Variants in DOCK3 observed in about 807,000 individuals in gnomAD.
DOCK3 encodes the protein dedicator of cytokinesis 3.
A neutral mutation model predicts 265.6 loss-of-function variants in DOCK3; 60 were observed. That is an observed-to-expected ratio of 0.23 (90% CI 0.18 to 0.28). The LOEUF (loss-of-function observed/expected upper bound fraction) is 0.28. Ranked by LOEUF, DOCK3 falls within the 10% of genes least tolerant of loss-of-function variation. The pLI is 1.00. For missense variants in DOCK3, 1,981 were observed against 2,594.3 expected (o/e 0.76, Z 5.14); for synonymous variants, 881 against 938.0 (o/e 0.94, Z 1.11).
At chr3:50,748,391 TA>T (rs2039587309) in intron 1 of DOCK3, among the ~76,000 whole-genome samples, 1 of 152,088 alleles carries the variant, frequency 6.6e-6, no homozygotes, top group Non-Finnish European at 1.5e-5. Flanking sequence ...TGAATATAAG[TA>T]AACACTGGGT....
intron 5 of DOCK3, among the ~76,000 whole-genome samples, chr3:51,007,272 C>G (rs1453843024): frequency 6.6e-6 from 1 of 152,202 alleles, no homozygotes; most frequent in Admixed American, 6.5e-5. Flanking sequence ...TCTCCACATC[C>G]TCTCCAGCAC....
chr3:51,373,809 C>A (rs995239275), intron 49 of DOCK3, among the ~76,000 whole-genome samples: 2 of 152,180 alleles, frequency 1.3e-5, no homozygotes, highest in African/African-American at 4.8e-5. Flanking sequence ...CAGAGCAAAA[C>A]CCCGGAGAGC....
chr3:51,199,402 G>A (rs111775240), intron 12 of DOCK3, among the ~76,000 whole-genome samples: 2,052 of 152,284 alleles, frequency 0.013, 54 homozygotes, highest in African/African-American at 0.045. Context: ...CACCTGGCTC[G>A]GAGGGTCCTA....
chr3:51,227,610 T>G (rs1170300640), intron 16 of DOCK3, among the ~76,000 whole-genome samples, 165 bp downstream of exon 16: 2 of 152,230 alleles, frequency 1.3e-5, no homozygotes, highest in Non-Finnish European at 2.9e-5. Context: ...CTTGGGACTA[T>G]AAAAGCAGTG....
In DOCK3 at chr3:51,160,631, A is replaced by G. The variant is rs1560143474; in HGVS notation, c.966A>G (p.Leu322=). The G allele has an allele frequency of 5.0e-6, 8 of 1,613,200 alleles. No individual in the cohort carries two copies. Among genetic ancestry groups the G allele is most frequent in the Non-Finnish European group, 6.8e-6 (8 of 1,179,502 alleles). ...GGCGACCATATGGCTGTGCGGTCCT[A>G]AGCATCTTGGATGTCCTACAGTCAC... ...HYRRPYGCAV[L]SILDVLQSLT... is the part of the protein sequence containing the mutation. The change falls in exon 12 of 53, where the codon CTA becomes CTG. Residue 322 remains leucine, a synonymous_variant. Coordinates refer to ENST00000266037, the MANE Select transcript of DOCK3 (RefSeq NM_004947.5).
Position 50,817,459 on chromosome 3 carries a change from TA to T in DOCK3, c.122-24213del, listed in dbSNP as rs201943190. Among the ~76,000 whole-genome samples the T allele has an allele frequency of 5.9e-3, 883 of 148,702 alleles. 9 individuals are homozygous for T. Among genetic ancestry groups the T allele is most frequent in the Middle Eastern group, 6.9e-3 (2 of 290 alleles). Reference sequence around the variant, plus strand: ...GCATTGAGCCACCATGCCAACTAATTAAATTTTTTTTTTTTTTATAGAGACA... The same window carrying T: ...GCATTGAGCCACCATGCCAACTAATTAATTTTTTTTTTTTTTATAGAGACA... On this transcript the variant is annotated intron_variant, in intron 2 of 52. Coordinates refer to ENST00000266037, the MANE Select transcript of DOCK3 (RefSeq NM_004947.5).
chr3:50,821,140 C>CTTTTTTTTTTTTTTTTTTTTT (rs771111717), intron 2 of DOCK3, among the ~76,000 whole-genome samples: 2 of 119,470 alleles, frequency 1.7e-5, no homozygotes, highest in African/African-American at 3.2e-5. Flanking sequence ...TTTCTTTTTT[C>CTTTTTTTTTTTTTTTTTTTTT]TTTTTTTTTT....
At chr3:50,699,108 G>T (rs995190703) in intron 1 of DOCK3, among the ~76,000 whole-genome samples, 1 of 152,142 alleles carries the variant, frequency 6.6e-6, no homozygotes, top group African/African-American at 2.4e-5. Flanking sequence ...AGTAGAGAAG[G>T]GTCCAACTTC....
chr3:51,148,935 A>G (rs566697589), intron 10 of DOCK3, among the ~76,000 whole-genome samples: 1 of 152,248 alleles, frequency 6.6e-6, no homozygotes, highest in Non-Finnish European at 1.5e-5. Context: ...ACCTTGGGCA[A>G]TACGGCCATT....
At chr3:51,143,642 C>T (rs558493541) in intron 9 of DOCK3, among the ~76,000 whole-genome samples, 2 of 152,286 alleles carry the variant, frequency 1.3e-5, no homozygotes, top group Non-Finnish European at 2.9e-5. Flanking sequence ...CATCTCTGCA[C>T]ATCCTTTGGT....
intron 9 of DOCK3, among the ~76,000 whole-genome samples, chr3:51,126,071 G>C (rs1379900353): frequency 6.6e-6 from 1 of 152,210 alleles, no homozygotes; most frequent in African/African-American, 2.4e-5. Flanking sequence ...TTGTTTTCTT[G>C]TGATAGTGCT....
At chr3:50,744,840 C>A (rs2039320224) in intron 1 of DOCK3, among the ~76,000 whole-genome samples, 1 of 152,162 alleles carries the variant, frequency 6.6e-6, no homozygotes, top group South Asian at 2.1e-4. Flanking sequence ...TCTGCCCTTT[C>A]CCCATTTAAT....
intron 2 of DOCK3, among the ~76,000 whole-genome samples, chr3:50,811,397 C>G (rs1275533861): frequency 6.6e-6 from 1 of 151,116 alleles, no homozygotes; most frequent in Non-Finnish European, 1.5e-5. Context: ...GAATGAGAAC[C>G]TGTTAGGAAG....
In DOCK3 at chr3:51,348,947, T is replaced by C; in HGVS notation, c.4002+9T>C. The C allele has an allele frequency of 1.3e-6, 2 of 1,559,612 alleles. No homozygotes were observed. The highest frequency in any genetic ancestry group is 1.9e-5 in the Admixed American group (1 of 52,072). On this transcript the variant is annotated intron_variant, in intron 39 of 52. Coordinates refer to ENST00000266037, the MANE Select transcript of DOCK3 (RefSeq NM_004947.5). ...GCCTCAGCTGGATTCGGGTGAGCTG[T>C]GCCCCTCCCCCCACCCCAGCCCTGA...
chr3:51,379,308 G>C (rs548085448), intron 51 of DOCK3: 23 of 873,638 alleles, frequency 2.6e-5, no homozygotes, highest in Non-Finnish European at 3.2e-5. Flanking sequence ...TGCTTGGCCA[G>C]CGTTTTTAGT....
chr3:51,246,614 T>G, intron 21 of DOCK3, 112 bp from the exon 22 acceptor site: 1 of 956,750 alleles, frequency 1.0e-6, no homozygotes, highest in Non-Finnish European at 1.6e-6. Flanking sequence ...CACTCCTTTC[T>G]AGCTCATCAG....
At chr3:51,333,435 A>G (rs1290290971) in intron 35 of DOCK3, among the ~76,000 whole-genome samples, 182 bp downstream of exon 35, 2 of 152,164 alleles carry the variant, frequency 1.3e-5, no homozygotes, top group African/African-American at 2.4e-5. Flanking sequence ...GACTTTTCCC[A>G]GGGGTAGGCT....
intron 9 of DOCK3, among the ~76,000 whole-genome samples, chr3:51,102,632 A>G (rs1252629523): frequency 6.6e-6 from 1 of 152,238 alleles, no homozygotes. Flanking sequence ...AAAGAACAGA[A>G]GAAATAGTGT....
chr3:50,777,746 A>G (rs1226940300), intron 1 of DOCK3, among the ~76,000 whole-genome samples: 1 of 152,022 alleles, frequency 6.6e-6, no homozygotes, highest in Non-Finnish European at 1.5e-5. Flanking sequence ...AGTGCTACTG[A>G]TTTGTGTACA....
Sources: allele counts gnomAD v4.1 joint callset (sites outside exome capture counted in the v4.1 genomes callset), GRCh38; gene constraint gnomAD v4.1.1; transcripts MANE v1.5; gene names NCBI Gene and HGNC (gene_info 2026-07-23, HGNC 2026-07-21).